XPR1: variants seen among roughly 807,000 people sequenced by gnomAD.
The protein encoded by XPR1 is solute carrier family 53 member 1.
In XPR1, 28 loss-of-function variants were observed where a neutral mutation model predicts 87.5. The ratio of observed to expected loss-of-function variants is 0.32; its 90% confidence interval spans 0.24 to 0.44. The LOEUF (loss-of-function observed/expected upper bound fraction) is 0.44, where lower values mean the gene tolerates loss of function less well. Ranked by LOEUF, XPR1 falls within the 20% of genes least tolerant of loss-of-function variation. The pLI, the probability that XPR1 is intolerant of heterozygous loss-of-function variation, is 1.00. For synonymous variants in XPR1, 300 were observed against 306.1 expected (o/e 0.98, Z 0.21); for missense variants, 559 against 862.3 (o/e 0.65, Z 4.41).
At chr1:180,660,575 C>T (rs543814985) in intron 1 of XPR1, among the ~76,000 whole-genome samples, 11 of 148,182 alleles carry the variant, frequency 7.4e-5, no homozygotes, top group African/African-American at 2.5e-4. Flanking sequence ...ATAAATTTTT[C>T]CCTTTTCTTC....
intron 2 of XPR1, among the ~76,000 whole-genome samples, chr1:180,782,642 T>G (rs1388335398): frequency 6.6e-6 from 1 of 151,942 alleles, no homozygotes; most frequent in Non-Finnish European, 1.5e-5. Flanking sequence ...TCCATTAGCC[T>G]TAAGTCCTCA....
At chr1:180,664,374 G>T (rs1456766570) in intron 1 of XPR1, among the ~76,000 whole-genome samples, 1 of 152,136 alleles carries the variant, frequency 6.6e-6, no homozygotes, top group African/African-American at 2.4e-5. Flanking sequence ...GCCAGAACTA[G>T]GTTTTTCCCT....
At chr1:180,760,946 C>T (rs1343458465) in intron 2 of XPR1, among the ~76,000 whole-genome samples, 1 of 152,060 alleles carries the variant, frequency 6.6e-6, no homozygotes, top group African/African-American at 2.4e-5. Context: ...GAACAGAGCC[C>T]TCAGAAATAA....
chr1:180,688,470 A>G (rs1321078334), intron 2 of XPR1, among the ~76,000 whole-genome samples: 3 of 152,118 alleles, frequency 2.0e-5, no homozygotes, highest in African/African-American at 7.2e-5. Context: ...AATATAGAAT[A>G]CATGGCAGTA....
chr1:180,643,804 T>C (rs942551262), intron 1 of XPR1, among the ~76,000 whole-genome samples: 3 of 152,072 alleles, frequency 2.0e-5, no homozygotes, highest in African/African-American at 7.2e-5. Flanking sequence ...TGAAATTTGG[T>C]AGAACTATTA....
chr1:180,770,697 C>T lies in XPR1; in HGVS notation c.122-17056C>T, dbSNP rs569149300. Among the ~76,000 whole-genome samples, 16 of 152,230 alleles carry T rather than the reference C, an allele frequency of 1.1e-4. 1 individual carries two copies. Among genetic ancestry groups the T allele is most frequent in the African/African-American group, 3.1e-4 (13 of 41,538 alleles). ...TCTCTTCAACCTCAACTAAAAATAA[C>T]TTTGTTTAAAAATGCACCAGATTAT... On this transcript the variant is annotated intron_variant, in intron 2 of 14. Transcript: ENST00000367590.
intron 2 of XPR1, among the ~76,000 whole-genome samples, chr1:180,720,992 T>C (rs1045687606): frequency 1.8e-4 from 27 of 152,060 alleles, no homozygotes; most frequent in Non-Finnish European, 1.8e-4. Context: ...CCCAGCACTT[T>C]GGGAGGCTGA....
In XPR1 at chr1:180,741,418, G is replaced by A. The variant is rs866109006; in HGVS notation, c.122-46335G>A. Among the ~76,000 whole-genome samples, 5 of 151,518 alleles carry A rather than the reference G, an allele frequency of 3.3e-5. No individual in the cohort carries two copies. The South Asian group carries it at 6.3e-4, about 19-fold the overall frequency. ...TGATCTCGGGTGATCCACACCCTTCGGCCTCCCAAAAGGCTAGGATTACAG... is the reference window on the plus strand; with the variant it reads ...TGATCTCGGGTGATCCACACCCTTCAGCCTCCCAAAAGGCTAGGATTACAG... On this transcript the variant is annotated intron_variant, in intron 2 of 14. Transcript: ENST00000367590.
At chr1:180,883,963 G>C in intron 14 of XPR1, 43 bp from the exon 15 acceptor site, 1 of 1,560,340 alleles carries the variant, frequency 6.4e-7, no homozygotes, top group Non-Finnish European at 8.8e-7. Flanking sequence ...GTTTATATTT[G>C]GGTAATGGAC....
intron 1 of XPR1, among the ~76,000 whole-genome samples, chr1:180,649,349 G>A (rs1168761293): frequency 2.6e-5 from 4 of 151,956 alleles, no homozygotes; most frequent in East Asian, 1.9e-4. Context: ...CGAGAATGGC[G>A]TGAACCCGGA....
intron 2 of XPR1, among the ~76,000 whole-genome samples, chr1:180,684,887 T>A (rs1256647307): frequency 1.3e-5 from 2 of 152,214 alleles, no homozygotes; most frequent in Non-Finnish European, 2.9e-5. Flanking sequence ...GATTCTGGGC[T>A]GAGACGATGA....
At chr1:180,809,032 A>T (rs1367328193) in intron 6 of XPR1, among the ~76,000 whole-genome samples, 2 of 152,208 alleles carry the variant, frequency 1.3e-5, no homozygotes, top group Non-Finnish European at 2.9e-5. Context: ...AGGTGAATGG[A>T]TAAACAATTT....
intron 11 of XPR1, among the ~76,000 whole-genome samples, chr1:180,852,503 A>G (rs1195286627): frequency 6.6e-6 from 1 of 152,016 alleles, no homozygotes; most frequent in African/African-American, 2.4e-5. Context: ...TGAAAACTTT[A>G]TGCTATTTTG....
intron 3 of XPR1, among the ~76,000 whole-genome samples, chr1:180,802,559 T>G (rs988089345): frequency 5.9e-5 from 9 of 152,202 alleles, no homozygotes; most frequent in African/African-American, 2.2e-4. Context: ...AAATTTGCCT[T>G]CTTAAGGTTT....
At chr1:180,758,153 C>A (rs1020273214) in intron 2 of XPR1, among the ~76,000 whole-genome samples, 41 of 96,014 alleles carry the variant, frequency 4.3e-4, no homozygotes, top group Non-Finnish European at 6.4e-4. Context: ...ACACATTATT[C>A]AGCCACATTT....
intron 2 of XPR1, among the ~76,000 whole-genome samples, chr1:180,711,879 G>C (rs1356844219): frequency 2.0e-5 from 3 of 152,066 alleles, no homozygotes; most frequent in Non-Finnish European, 4.4e-5. Context: ...TTAATTTTTT[G>C]TATGTGGTGT....
At chr1:180,652,426 TTTTATTATCA>T (rs1655328352) in intron 1 of XPR1, among the ~76,000 whole-genome samples, 1 of 152,214 alleles carries the variant, frequency 6.6e-6, no homozygotes, top group Non-Finnish European at 1.5e-5. Context: ...ATCAGCTTTA[TTTTATTATCA>T]GAATAGGATT....
intron 2 of XPR1, among the ~76,000 whole-genome samples, chr1:180,785,011 T>TTGTGTGTGTGTGTGTGTGTGTGTG (rs1186269708): frequency 2.6e-4 from 36 of 136,388 alleles, no homozygotes; most frequent in East Asian, 6.2e-4. Flanking sequence ...GTGTGTGTGT[T>TTGTGTGTGTGTGTGTGTGTGTGTG]TGTGTGTGTG....
In XPR1 at chr1:180,888,018, G is replaced by A. The variant is rs1036483865; in HGVS notation, c.*3952G>A. 4 of 152,218 alleles carry A rather than the reference G, an allele frequency of 2.6e-5. No homozygotes were observed. The highest frequency in any genetic ancestry group is 4.8e-5 in the African/African-American group (2 of 41,444). The allele number at this position is 152,218 out of a possible 1,614,324, so 9.4% of individuals were successfully genotyped here. ...CTTTGGAGATAGCAGAGAAGAGCAA[G>A]AAGATGTTGGACGTTGGCAGTAAGC... is the stretch of plus-strand genomic sequence containing the variant. On this transcript the variant is annotated 3_prime_UTR_variant, in exon 15 of 15. Coordinates refer to ENST00000367590, the MANE Select transcript of XPR1 (RefSeq NM_004736.4).
Sources: gnomAD v4.1 joint callset for allele counts (sites outside exome capture counted in the v4.1 genomes callset) on GRCh38, gnomAD v4.1.1 for gene constraint, MANE v1.5 for transcripts, NCBI Gene and HGNC (gene_info 2026-07-23, HGNC 2026-07-21) for gene names.